Variants in SHC4 observed in about 807,000 individuals in gnomAD.
SHC4 encodes SHC-transforming protein 4.
In SHC4, 41 loss-of-function variants were observed where a neutral mutation model predicts 69.4. The observed-to-expected ratio is 0.59, with a 90% CI of 0.46 to 0.77. The LOEUF is 0.77. SHC4 is among the 30% of genes least tolerant of loss of function. The pLI, the probability that SHC4 is intolerant of heterozygous loss-of-function variation, is 0.00. For missense variants in SHC4, 777 were observed against 783.8 expected, an observed-to-expected ratio of 0.99 and a Z score of 0.10; for synonymous variants, 318 against 299.3, an observed-to-expected ratio of 1.06 and a Z score of -0.64.
intron 1 of SHC4, among the ~76,000 whole-genome samples, chr15:48,960,261 G>T (rs192657508): frequency 1.3e-5 from 2 of 152,324 alleles, no homozygotes; most frequent in Non-Finnish European, 2.9e-5. Flanking sequence ...AAATTGTACA[G>T]GTGTGTGGGT....
intron 2 of SHC4, among the ~76,000 whole-genome samples, chr15:48,903,709 T>A (rs1053718456): frequency 1.3e-5 from 2 of 152,230 alleles, no homozygotes; most frequent in Non-Finnish European, 2.9e-5. Context: ...ATGCAAATTA[T>A]TGAATCAAAA....
At chr15:48,961,977 AG>A (rs1013994024) in intron 1 of SHC4, among the ~76,000 whole-genome samples, 14 of 152,254 alleles carry the variant, frequency 9.2e-5, no homozygotes, top group African/African-American at 3.1e-4. Context: ...GAATAATTCA[AG>A]CCCCTTACAC....
chr15:48,952,558 A>G (rs1397400634), intron 1 of SHC4, among the ~76,000 whole-genome samples: 2 of 152,194 alleles, frequency 1.3e-5, no homozygotes, highest in Non-Finnish European at 2.9e-5. Flanking sequence ...AGTACTCACC[A>G]TCTATAAGGA....
intron 6 of SHC4, among the ~76,000 whole-genome samples, chr15:48,865,230 G>A (rs562644927): frequency 1.3e-5 from 2 of 152,068 alleles, no homozygotes; most frequent in African/African-American, 2.4e-5. Flanking sequence ...ACCTCTTTGC[G>A]GGCACTGTCA....
rs1229708442 is a variant in SHC4, at chr15:48,963,595, G to A, written c.-580C>T. On this transcript the variant is annotated 5_prime_UTR_variant, in exon 1 of 12. It adds an upstream start codon to the 5' untranslated region. Transcript: ENST00000332408. ...ACCAAAGGCCCTTTTGCCTGGGTTC[G>A]TTGATTCCAAAGGCTGCCCTCTCTT... 6.6e-6 allele frequency among the ~76,000 whole-genome samples: 1 copy of A among 152,202 alleles called. No homozygotes were observed. The highest frequency in any genetic ancestry group is 1.5e-5 in the Non-Finnish European group (1 of 68,032).
At chr15:48,878,637 C>A in intron 4 of SHC4, 1 of 1,614,036 alleles carries the variant, frequency 6.2e-7, no homozygotes, top group Non-Finnish European at 8.5e-7. Context: ...TATGAGAAGA[C>A]CCCGTTTGAT....
chr15:48,869,815 T>C (rs1899632170), intron 5 of SHC4, among the ~76,000 whole-genome samples: 1 of 152,184 alleles, frequency 6.6e-6, no homozygotes, highest in Non-Finnish European at 1.5e-5. Flanking sequence ...GCCGCCAGAT[T>C]TCTACTTTAA....
rs1595772474 is a variant in SHC4 at position 48,963,223 on chromosome 15, T to A, written c.-208A>T. ...AACGCCTCCCCTGCTCTGATTTCAG[T>A]CTCTCCCTGGCCCAGGCAGAGGCAC... On this transcript the variant is annotated 5_prime_UTR_variant, in exon 1 of 12. Transcript: ENST00000332408. 1 of 555,136 alleles carries A rather than the reference T, an allele frequency of 1.8e-6. No homozygotes were observed. The highest frequency in any genetic ancestry group is 3.0e-5 in the East Asian group (1 of 33,310). The allele number at this position is 555,136 out of a possible 1,614,324, so 34.4% of individuals were successfully genotyped here. A position where few individuals can be genotyped will look rare whatever the true frequency, so the allele number is the denominator to read the frequency against.
chr15:48,960,392 G>A (rs772186148), intron 1 of SHC4, among the ~76,000 whole-genome samples: 4 of 152,204 alleles, frequency 2.6e-5, no homozygotes, highest in Non-Finnish European at 5.9e-5. Flanking sequence ...GTTTTCCCAT[G>A]AGGGCCTGGC....
intron 3 of SHC4, among the ~76,000 whole-genome samples, chr15:48,886,265 T>C (rs960798068): frequency 6.6e-5 from 10 of 151,758 alleles, no homozygotes; most frequent in Non-Finnish European, 1.5e-4. Flanking sequence ...AAAATATATA[T>C]ATATATATTA....
At chr15:48,876,544 T>C in intron 4 of SHC4, 1 of 661,262 alleles carries the variant, frequency 1.5e-6, no homozygotes, top group Non-Finnish European at 2.7e-6. Context: ...AAGTATTAAC[T>C]CACATGATCA....
intron 11 of SHC4, among the ~76,000 whole-genome samples, chr15:48,827,316 T>C (rs1428440626): frequency 3.3e-5 from 5 of 152,260 alleles, no homozygotes; most frequent in South Asian, 2.1e-4. Context: ...TTAAGTTTCC[T>C]GATTTTGATC....
intron 2 of SHC4, among the ~76,000 whole-genome samples, chr15:48,911,110 G>A (rs1156919001): frequency 6.6e-6 from 1 of 152,124 alleles, no homozygotes; most frequent in East Asian, 1.9e-4. Flanking sequence ...TTTATCCATT[G>A]TTTATTTGTT....
At chr15:48,875,030 G>C (rs1371991148) in intron 4 of SHC4, among the ~76,000 whole-genome samples, 1 of 152,170 alleles carries the variant, frequency 6.6e-6, no homozygotes, top group Non-Finnish European at 1.5e-5. Flanking sequence ...TCTTTGAAAA[G>C]GGGGAAAGAT....
At chr15:48,937,943 TG>T (rs1315725213) in intron 1 of SHC4, among the ~76,000 whole-genome samples, 1 of 152,244 alleles carries the variant, frequency 6.6e-6, no homozygotes, top group African/African-American at 2.4e-5. Context: ...ATTTTAATGT[TG>T]TTATTGAGAT....
rs73400400 is a variant in SHC4, at chr15:48,845,398, T to C, written c.1304-1810A>G. On this transcript the variant is annotated intron_variant, in intron 9 of 11. Transcript: ENST00000332408. ...TATGTGGGGTATCCTAAAACACGAG[T>C]GAGGTTTCTACAGAGGGAGGAGTTG... Among the ~76,000 whole-genome samples the C allele has an allele frequency of 5.0e-3, 761 of 152,228 alleles. 6 individuals carry two copies. The highest frequency in any genetic ancestry group is 0.018 in the African/African-American group (733 of 41,536).
chr15:48,931,337 C>A (rs1386813132), intron 1 of SHC4, among the ~76,000 whole-genome samples: 2 of 152,188 alleles, frequency 1.3e-5, no homozygotes, highest in African/African-American at 2.4e-5. Flanking sequence ...ATGCTCATGC[C>A]ACACACATTT....
At chr15:48,881,375 C>CAAAAA (rs34708269) in intron 4 of SHC4, among the ~76,000 whole-genome samples, 1 of 109,044 alleles carries the variant, frequency 9.2e-6, no homozygotes, top group African/African-American at 3.3e-5. Flanking sequence ...AAAAACAAAG[C>CAAAAA]AAAAAAAAAA....
At chr15:48,944,397 T>C (rs1220976917) in intron 1 of SHC4, among the ~76,000 whole-genome samples, 2 of 152,162 alleles carry the variant, frequency 1.3e-5, no homozygotes, top group East Asian at 1.9e-4. Flanking sequence ...CAAGGAAAAC[T>C]ATTTAAAAGG....
Sources: gnomAD v4.1 joint callset for allele counts (sites outside exome capture counted in the v4.1 genomes callset) on GRCh38, gnomAD v4.1.1 for gene constraint, MANE v1.5 for transcripts, NCBI Gene and HGNC (gene_info 2026-07-23, HGNC 2026-07-21) for gene names.